The following NHSL1 variants were observed in gnomAD, a reference collection of about 807,000 sequenced individuals.
NHSL1 encodes the protein NHS like 1.
Under a neutral mutation model 95.0 loss-of-function variants are expected in NHSL1, and 48 were observed. That is an observed-to-expected ratio of 0.51 (90% CI 0.40 to 0.64). The LOEUF (loss-of-function observed/expected upper bound fraction) is 0.64, where lower values mean the gene tolerates loss of function less well. NHSL1 is among the 30% of genes least tolerant of loss of function. The pLI is 0.00. For missense variants in NHSL1, 1,971 were observed against 2,077.7 expected (o/e 0.95, Z 1.00); for synonymous variants, 783 against 833.9 (o/e 0.94, Z 1.05).
At chr6:138,558,283 C>A (rs1044604884) in intron 1 of NHSL1, among the ~76,000 whole-genome samples, 2 of 151,666 alleles carry the variant, frequency 1.3e-5, no homozygotes, top group African/African-American at 4.9e-5. Flanking sequence ...CCACCACGCC[C>A]GGCTAATTTT....
intron 3 of NHSL1, among the ~76,000 whole-genome samples, chr6:138,463,601 T>A (rs1778143812): frequency 1.3e-5 from 2 of 151,884 alleles, no homozygotes. Flanking sequence ...GGTATACATG[T>A]GCCATGGTGG....
At chr6:138,648,290 C>G (rs1204356823) in intron 1 of NHSL1, among the ~76,000 whole-genome samples, 3 of 147,698 alleles carry the variant, frequency 2.0e-5, no homozygotes, top group African/African-American at 7.6e-5. Context: ...AAAATGAAAA[C>G]AGCTATAGAC....
chr6:138,443,583 T>C (rs923049221), intron 4 of NHSL1, among the ~76,000 whole-genome samples: 3 of 152,158 alleles, frequency 2.0e-5, no homozygotes, highest in Non-Finnish European at 4.4e-5. Context: ...TCCCAGCACA[T>C]TGGAGAGTTG....
intron 1 of NHSL1, among the ~76,000 whole-genome samples, chr6:138,598,164 T>G (rs1296632318): frequency 2.0e-5 from 3 of 151,928 alleles, no homozygotes; most frequent in African/African-American, 7.3e-5. Flanking sequence ...AATAATAATT[T>G]TTTAAAAAAT....
At chr6:138,631,684 C>T (rs1323649467) in intron 1 of NHSL1, among the ~76,000 whole-genome samples, 1 of 152,138 alleles carries the variant, frequency 6.6e-6, no homozygotes, top group Non-Finnish European at 1.5e-5. Context: ...AACTGAAGAG[C>T]CCTTGGGCCC....
rs147934286 is a variant in NHSL1 at position 138,567,846 on chromosome 6, T to C, written c.202+3864A>G. On this transcript the variant is annotated intron_variant, in intron 1 of 6. Transcript: ENST00000427025. ...AAGTCCAGAAGGAAAGGATGAAACA[T>C]TGTTCAAAGCAAGGCTTTGCATGTC... Among the ~76,000 whole-genome samples the C allele has an allele frequency of 1.2e-3, 187 of 152,280 alleles. 2 individuals carry two copies. Among genetic ancestry groups the C allele is most frequent in the African/African-American group, 4.2e-3 (176 of 41,552 alleles).
chr6:138,662,249 T>C (rs1785237175), intron 1 of NHSL1, among the ~76,000 whole-genome samples: 1 of 152,144 alleles, frequency 6.6e-6, no homozygotes, highest in South Asian at 2.1e-4. Context: ...TTTCACAGAT[T>C]CCTTTCTGAT....
intron 2 of NHSL1, among the ~76,000 whole-genome samples, chr6:138,480,308 A>G (rs1384719629): frequency 6.6e-6 from 1 of 152,218 alleles, no homozygotes; most frequent in Admixed American, 6.5e-5. Flanking sequence ...GATGCAGAAA[A>G]TACCTGAGTA....
At chr6:138,536,475 T>C (rs1354174981) in intron 1 of NHSL1, among the ~76,000 whole-genome samples, 3 of 152,144 alleles carry the variant, frequency 2.0e-5, no homozygotes, top group Non-Finnish European at 4.4e-5. Context: ...AACCTAAAAG[T>C]GATGGCAAAC....
chr6:138,673,644 C>A (rs1235452076), intron 1 of NHSL1, among the ~76,000 whole-genome samples: 2 of 152,004 alleles, frequency 1.3e-5, no homozygotes, highest in Non-Finnish European at 2.9e-5. Context: ...AAAATGTGAC[C>A]TCTCATTACT....
At chr6:138,678,929 A>G (rs1785480347) in intron 1 of NHSL1, among the ~76,000 whole-genome samples, 1 of 152,224 alleles carries the variant, frequency 6.6e-6, no homozygotes, top group African/African-American at 2.4e-5. Context: ...ACGGCACTCA[A>G]AGACATTTTT....
intron 1 of NHSL1, among the ~76,000 whole-genome samples, chr6:138,514,464 T>C (rs1781375968): frequency 6.6e-6 from 1 of 152,194 alleles, no homozygotes; most frequent in Non-Finnish European, 1.5e-5. Flanking sequence ...ACCCTACATA[T>C]GCTACATTTA....
At chr6:138,633,621 G>A (rs565749497) in intron 1 of NHSL1, among the ~76,000 whole-genome samples, 11 of 152,232 alleles carry the variant, frequency 7.2e-5, no homozygotes, top group South Asian at 4.1e-4. Flanking sequence ...GAAATTTGTC[G>A]TCCCCAGACA....
rs1048360016 is a variant in NHSL1 at position 138,514,000 on chromosome 6, T to C, written c.17-17629A>G. On this transcript the variant is annotated intron_variant, in intron 1 of 4. Coordinates refer to the NHSL1 transcript ENST00000342260. ...GAATTTAATACAGCAGGAAAAGAAATAGTTTACATTACCAACTCTAAAGAC... is the reference window on the plus strand; with the variant it reads ...GAATTTAATACAGCAGGAAAAGAAACAGTTTACATTACCAACTCTAAAGAC... Among the ~76,000 whole-genome samples the C allele has an allele frequency of 3.4e-5, 5 of 147,202 alleles. No homozygotes were observed. The South Asian group carries it at 8.3e-4, about 25-fold the overall frequency.
At chr6:138,550,611 C>G (rs549372733), upstream of NHSL1, among the ~76,000 whole-genome samples, 29 of 152,316 alleles carry the variant, frequency 1.9e-4, no homozygotes, top group South Asian at 5.2e-3. Context: ...GTGGTATCCA[C>G]ACATGCAGCC....
rs998318634 is a variant in NHSL1, at chr6:138,539,395, G to T, written c.16+6228C>A. Among the ~76,000 whole-genome samples, 3 of 152,134 alleles carry T rather than the reference G, an allele frequency of 2.0e-5. No homozygotes were observed. The South Asian group carries it at 6.2e-4, about 32-fold the overall frequency. ...CTGCATACATCTGTACCTGGTTAAT[G>T]GTGGTGACATGATGTCCTGCCTTTA... On this transcript the variant is annotated intron_variant, in intron 1 of 4. Transcript: ENST00000342260.
intron 1 of NHSL1, among the ~76,000 whole-genome samples, chr6:138,617,990 TAAG>T (rs1439005893): frequency 2.0e-5 from 3 of 152,226 alleles, no homozygotes; most frequent in East Asian, 3.8e-4. Flanking sequence ...GAGGGACAGC[TAAG>T]AAGAAGTGTC....
At chr6:138,436,972 C>A (rs933452282) in intron 5 of NHSL1, among the ~76,000 whole-genome samples, 3 of 152,046 alleles carry the variant, frequency 2.0e-5, no homozygotes, top group African/African-American at 4.8e-5. Flanking sequence ...AGATTTCTTT[C>A]ATTTACAGTG....
At chr6:138,656,482 G>C (rs1785158345) in intron 1 of NHSL1, among the ~76,000 whole-genome samples, 1 of 152,166 alleles carries the variant, frequency 6.6e-6, no homozygotes, top group Non-Finnish European at 1.5e-5. Flanking sequence ...AGTCAGCATG[G>C]AAATCCAGTT....
Sources: gnomAD v4.1 joint callset for allele counts (sites outside exome capture counted in the v4.1 genomes callset) on GRCh38, gnomAD v4.1.1 for gene constraint, MANE v1.5 for transcripts, NCBI Gene and HGNC (gene_info 2026-07-23, HGNC 2026-07-21) for gene names.